PTPRG: variants seen among roughly 807,000 people sequenced by gnomAD.
PTPRG encodes receptor-type tyrosine-protein phosphatase gamma.
In PTPRG, 102 loss-of-function variants were observed where a neutral mutation model predicts 165.3. The ratio of observed to expected loss-of-function variants is 0.62; its 90% CI spans 0.53 to 0.73. The LOEUF is 0.73. PTPRG is among the 30% of genes least tolerant of loss of function. The pLI is 0.00. For missense variants in PTPRG, 1,866 were observed against 1,861.4 expected (o/e 1.00, Z -0.05); for synonymous variants, 675 against 669.5 (o/e 1.01, Z -0.13).
chr3:62,293,122 C>T (rs756651779), intron 29 of PTPRG, 39 bp from the exon 30 acceptor site: 1 of 1,490,364 alleles, frequency 6.7e-7, no homozygotes. Flanking sequence ...AATCACTAAA[C>T]TGTTCTTTGG....
At chr3:61,990,698 A>G (rs1378051045) in intron 3 of PTPRG, among the ~76,000 whole-genome samples, 1 of 152,076 alleles carries the variant, frequency 6.6e-6, no homozygotes, top group African/African-American at 2.4e-5. Flanking sequence ...TTACTTAACT[A>G]CTTATGACTT....
intron 2 of PTPRG, among the ~76,000 whole-genome samples, chr3:61,959,255 G>A (rs1360685522): frequency 6.6e-6 from 1 of 152,126 alleles, no homozygotes; most frequent in Non-Finnish European, 1.5e-5. Context: ...TAGCTTAGCC[G>A]AGGCCCTGAA....
chr3:62,269,518 C>G (rs1239194631), intron 20 of PTPRG, among the ~76,000 whole-genome samples: 2 of 152,060 alleles, frequency 1.3e-5, no homozygotes, highest in South Asian at 4.1e-4. Flanking sequence ...CATTGTTTCC[C>G]AAAGTATGTT....
At chr3:61,704,451 C>T (rs1003597780) in intron 1 of PTPRG, among the ~76,000 whole-genome samples, 3 of 152,004 alleles carry the variant, frequency 2.0e-5, no homozygotes, top group Non-Finnish European at 4.4e-5. Context: ...GTTGGATGAC[C>T]CTCTTCTTTG....
Position 62,265,894 on chromosome 3 carries a change from T to TAC in PTPRG, c.2657-1515_2657-1514insCA, listed in dbSNP as rs1250968284. ...CACACACGTATACATCTGTGCCTTA[T>TAC]ATACACACACACACACACACACACA... On this transcript the variant is annotated intron_variant, in intron 17 of 29. Transcript: ENST00000474889. Among the ~76,000 whole-genome samples the TAC allele has an allele frequency of 4.9e-3, 131 of 26,530 alleles. 2 individuals are homozygous for TAC. Among genetic ancestry groups the TAC allele is most frequent in the Middle Eastern group, 0.023 (1 of 44 alleles). 17.4% of individuals were successfully genotyped at this position (26,530 alleles called of 152,430 possible).
At chr3:61,581,922 T>A (rs939957515) in intron 1 of PTPRG, among the ~76,000 whole-genome samples, 1 of 152,092 alleles carries the variant, frequency 6.6e-6, no homozygotes. Flanking sequence ...GGTCCTTCTT[T>A]ATCTTGGCAT....
chr3:61,594,469 G>GT (rs1700645340), intron 1 of PTPRG, among the ~76,000 whole-genome samples: 1 of 151,928 alleles, frequency 6.6e-6, no homozygotes, highest in African/African-American at 2.4e-5. Flanking sequence ...CAGAAGAGAA[G>GT]ACAGTGATTA....
chr3:61,575,487 G>T lies in PTPRG; in HGVS notation c.85+13115G>T, dbSNP rs573803963. Among the ~76,000 whole-genome samples, 47 of 151,420 alleles carry T rather than the reference G, an allele frequency of 3.1e-4. 1 individual carries two copies. The South Asian group carries it at 9.4e-3, about 30-fold the overall frequency. ...TTTGGCCAGTTACTTAACTTTATTG[G>T]TTTTCTTACCTTTAAAATGGGGATA... On this transcript the variant is annotated intron_variant, in intron 1 of 29. Coordinates refer to ENST00000474889, the MANE Select transcript of PTPRG (RefSeq NM_002841.4).
chr3:62,079,427 A>G (rs559347958), intron 5 of PTPRG, among the ~76,000 whole-genome samples: 1 of 152,368 alleles, frequency 6.6e-6, no homozygotes, highest in Non-Finnish European at 1.5e-5. Flanking sequence ...TCTGATCAGC[A>G]TTTTAAAAAC....
intron 1 of PTPRG, among the ~76,000 whole-genome samples, chr3:61,729,786 T>C (rs1470975241): frequency 1.3e-5 from 2 of 152,210 alleles, no homozygotes; most frequent in Non-Finnish European, 2.9e-5. Context: ...GTTTATGCTT[T>C]TTATGTACTC....
At chr3:61,601,311 G>A (rs112849424) in intron 1 of PTPRG, among the ~76,000 whole-genome samples, 4 of 152,260 alleles carry the variant, frequency 2.6e-5, no homozygotes, top group African/African-American at 4.8e-5. Flanking sequence ...TCAGGGTATC[G>A]GCTTCTGTTC....
In PTPRG at chr3:62,195,884, C is replaced by A. The variant is rs1699949785; in HGVS notation, c.1327+714C>A. ...TGTTGGCTCACTGCAACCTCTGCCT[C>A]CTGGGTTCAAGTGATGCCTCAGCCT... On this transcript the variant is annotated intron_variant, in intron 10 of 29. Coordinates refer to ENST00000474889, the MANE Select transcript of PTPRG (RefSeq NM_002841.4). This position sits in a 1 kb window ranked among gnomAD's most constrained non-coding sequence, Gnocchi z 4.4. 6.6e-6 allele frequency among the ~76,000 whole-genome samples: 1 copy of A among 152,022 alleles called. No individual in the cohort carries two copies. The highest frequency in any genetic ancestry group is 2.1e-4 in the South Asian group (1 of 4,816).
intron 1 of PTPRG, among the ~76,000 whole-genome samples, chr3:61,733,994 T>C (rs1173749307): frequency 6.6e-6 from 1 of 152,096 alleles, no homozygotes; most frequent in African/African-American, 2.4e-5. Flanking sequence ...GATGGGTCTA[T>C]CATGTTTCCC....
intron 26 of PTPRG, among the ~76,000 whole-genome samples, chr3:62,280,272 T>C (rs73087834): frequency 0.08 from 12,158 of 152,042 alleles, 721 homozygotes; most frequent in Non-Finnish European, 0.11. Context: ...TTAGATAATT[T>C]ATGGGCCCCC....
At chr3:61,888,562 A>G (rs1165032400) in intron 2 of PTPRG, among the ~76,000 whole-genome samples, 2 of 152,090 alleles carry the variant, frequency 1.3e-5, no homozygotes, top group Non-Finnish European at 2.9e-5. Context: ...CGATCTCCTG[A>G]CCTTGCGATC....
chr3:61,730,877 A>C (rs2032462524), intron 1 of PTPRG, among the ~76,000 whole-genome samples: 1 of 152,192 alleles, frequency 6.6e-6, no homozygotes, highest in Non-Finnish European at 1.5e-5. Context: ...TGGCCATTGA[A>C]AGATTGGGAA....
chr3:62,063,772 G>C (rs995374428), intron 4 of PTPRG, among the ~76,000 whole-genome samples: 1 of 151,998 alleles, frequency 6.6e-6, no homozygotes, highest in African/African-American at 2.4e-5. Flanking sequence ...CAAAATGCTG[G>C]GATTCTAGGT....
At chr3:62,073,868 G>A (rs756540124) in intron 4 of PTPRG, among the ~76,000 whole-genome samples, 6 of 152,176 alleles carry the variant, frequency 3.9e-5, no homozygotes, top group Non-Finnish European at 7.3e-5. Context: ...TCCGGATGAA[G>A]ATGGGGTTGG....
At chr3:62,052,287 A>T (rs887385869) in intron 4 of PTPRG, among the ~76,000 whole-genome samples, 10 of 152,218 alleles carry the variant, frequency 6.6e-5, no homozygotes, top group African/African-American at 2.4e-4. Context: ...ATATTGTGTT[A>T]GTACAGTAAT....
Sources: gnomAD v4.1 joint callset for allele counts (sites outside exome capture counted in the v4.1 genomes callset) on GRCh38, gnomAD v4.1.1 for gene constraint, Gnocchi (gnomAD v3.1) non-coding constraint, MANE v1.5 for transcripts, NCBI Gene and HGNC (gene_info 2026-07-23, HGNC 2026-07-21) for gene names.